UGT1A3: variants seen among roughly 807,000 people sequenced by gnomAD.
UGT1A3 encodes the protein UDP glucuronosyltransferase family 1 member A3, also known as UDP-glucuronosyltransferase 1A3.
A neutral mutation model predicts 41.0 loss-of-function variants in UGT1A3; 31 were observed. That is an observed-to-expected ratio of 0.76 (90% CI 0.57 to 1.02). The LOEUF is 1.02. UGT1A3 is among the 50% of genes least tolerant of loss of function. The pLI, the probability that UGT1A3 is intolerant of heterozygous loss-of-function variation, is 0.00. For missense variants in UGT1A3, 737 were observed against 671.0 expected (o/e 1.10, Z -1.09); for synonymous variants, 262 against 257.6 (o/e 1.02, Z -0.17).
chr2:233,765,587 C>T (rs1353703058), intron 1 of UGT1A3, among the ~76,000 whole-genome samples: 1 of 151,970 alleles, frequency 6.6e-6, no homozygotes, highest in East Asian at 1.9e-4. Context: ...AGGGGAACAA[C>T]ACACACCAGG....
intron 1 of UGT1A3, among the ~76,000 whole-genome samples, chr2:233,745,792 G>A (rs1203318312): frequency 6.6e-6 from 1 of 151,102 alleles, no homozygotes; most frequent in Non-Finnish European, 1.5e-5. Context: ...AGGGGGGCTG[G>A]GGTCTATCCC....
intron 4 of UGT1A3, among the ~76,000 whole-genome samples, chr2:233,771,908 A>G (rs1288111972): frequency 2.6e-5 from 4 of 151,904 alleles, no homozygotes; most frequent in African/African-American, 9.7e-5. Context: ...TTCAGGTGAT[A>G]ATAGTAACAC....
chr2:233,767,698 C>T (rs1699451194), intron 2 of UGT1A3, 151 bp from the exon 3 acceptor site: 8 of 1,500,274 alleles, frequency 5.3e-6, no homozygotes, highest in Non-Finnish European at 6.2e-6. Flanking sequence ...CGGAAGTTGC[C>T]AGTCCTCAGA....
chr2:233,743,215 C>T (rs1225035803), intron 1 of UGT1A3: 38 of 407,424 alleles, frequency 9.3e-5, no homozygotes, highest in Non-Finnish European at 1.6e-4. Context: ...GGAGTAACTG[C>T]TCTTTGCTAT....
intron 1 of UGT1A3, chr2:233,754,743 C>A (rs1442095371): frequency 4.1e-6 from 3 of 727,770 alleles, no homozygotes; most frequent in Middle Eastern, 2.7e-4. Flanking sequence ...GTAGGACATG[C>A]AGAAGGAAGA....
Position 233,749,147 on chromosome 2 carries a change from T to C in UGT1A3, c.868-17887T>C, listed in dbSNP as rs149958207. ...TTCACTGAATGCATATGAACTTCCA[T>C]GACTTGATCCTTTTGTATTTTTATT... On this transcript the variant is annotated intron_variant, in intron 1 of 4. Transcript: ENST00000482026. Among the ~76,000 whole-genome samples, 47 of 152,004 alleles carry C rather than the reference T, an allele frequency of 3.1e-4. 1 individual carries two copies. Among genetic ancestry groups the C allele is most frequent in the African/African-American group, 9.9e-4 (41 of 41,258 alleles).
At position 233,754,917 on chromosome 2, in the gene UGT1A3, G is replaced by A. The variant is rs1403282569; in HGVS notation, c.868-12117G>A. ...CTGACCCCCCAAAATATTCTCCAGC[G>A]GGTTTCCCAAGAGGTCAAAGGAGAA... On this transcript the variant is annotated intron_variant, in intron 1 of 4. Coordinates refer to ENST00000482026, the MANE Select transcript of UGT1A3 (RefSeq NM_019093.4). The A allele has an allele frequency of 3.0e-6, 4 of 1,353,604 alleles. No homozygotes were observed. In the African/African-American group the frequency reaches 4.4e-5, roughly 15 times the overall value. 83.8% of individuals were successfully genotyped at this position (1,353,604 alleles called of 1,614,324 possible).
In UGT1A3 at chr2:233,743,767, G is replaced by C. The variant is rs374421270; in HGVS notation, c.867+13774G>C. ...CGTCCGACAACACCTCGTAGGCCTCGGCCACCTGCTTGAATCTCCTCTCCG... is the reference window on the plus strand; with the variant it reads ...CGTCCGACAACACCTCGTAGGCCTCCGCCACCTGCTTGAATCTCCTCTCCG... On this transcript the variant is annotated intron_variant, in intron 1 of 4. Transcript: ENST00000482026. 1.6e-3 allele frequency: 2,161 copies of C among 1,367,298 alleles called. 5 individuals are homozygous for C. Among genetic ancestry groups the C allele is most frequent in the Non-Finnish European group, 2.0e-3 (2,052 of 1,021,846 alleles). 84.7% of individuals were successfully genotyped at this position (1,367,298 alleles called of 1,614,324 possible).
intron 1 of UGT1A3, chr2:233,747,617 G>A (rs1693730880): frequency 1.3e-5 from 20 of 1,575,570 alleles, no homozygotes; most frequent in Non-Finnish European, 1.7e-5. Context: ...TGCATAATGA[G>A]GCCCTGATCA....
chr2:233,758,811 C>A (rs371004333), intron 1 of UGT1A3, among the ~76,000 whole-genome samples: 1 of 152,184 alleles, frequency 6.6e-6, no homozygotes, highest in East Asian at 1.9e-4. Flanking sequence ...TATAGTACAG[C>A]AGTATATCCC....
intron 1 of UGT1A3, among the ~76,000 whole-genome samples, chr2:233,758,985 G>GT (rs1383466743): frequency 1.3e-5 from 2 of 152,320 alleles, no homozygotes; most frequent in African/African-American, 4.8e-5. Flanking sequence ...TCTTGGGCCA[G>GT]TGGAATGAGT....
chr2:233,751,619 A>G (rs765633655), intron 1 of UGT1A3, among the ~76,000 whole-genome samples: 10 of 152,142 alleles, frequency 6.6e-5, no homozygotes, highest in Non-Finnish European at 1.3e-4. Flanking sequence ...AGGTGATTGG[A>G]TCATGTGTGC....
chr2:233,731,446 C>G (rs1336068752), intron 1 of UGT1A3, among the ~76,000 whole-genome samples: 3 of 152,132 alleles, frequency 2.0e-5, no homozygotes, highest in Non-Finnish European at 4.4e-5. Flanking sequence ...GTCCCCCACC[C>G]CACAACAGGC....
Position 233,773,095 on chromosome 2 carries a change from A to C in UGT1A3, c.*536A>C. On this transcript the variant is annotated 3_prime_UTR_variant, in exon 5 of 5. Coordinates refer to ENST00000482026, the MANE Select transcript of UGT1A3 (RefSeq NM_019093.4). ...ATGAATGGCTTGGAGTGCACTGAGA[A>C]CAGCATATGATTTCTTGCTTTGGGG... 6.3e-6 allele frequency: 1 copy of C among 159,994 alleles called. No individual in the cohort carries two copies. Among genetic ancestry groups the C allele is most frequent in the Non-Finnish European group, 1.4e-5 (1 of 71,916 alleles). The allele number at this position is 159,994 out of a possible 1,614,324, so 9.9% of individuals were successfully genotyped here. A position where few individuals can be genotyped will look rare whatever the true frequency, so the allele number is the denominator to read the frequency against.
At chr2:233,767,811 GTTCT>G (rs753422454) in intron 2 of UGT1A3, 34 bp from the exon 3 acceptor site, 1 of 1,614,124 alleles carries the variant, frequency 6.2e-7, no homozygotes, top group South Asian at 1.1e-5. Flanking sequence ...ATCATATTAT[GTTCT>G]TTCTTTACGT....
chr2:233,765,491 C>T (rs1438228783), intron 1 of UGT1A3, among the ~76,000 whole-genome samples: 1 of 152,094 alleles, frequency 6.6e-6, no homozygotes, highest in African/African-American at 2.4e-5. Flanking sequence ...TCATCCTCCA[C>T]AAACTAACAC....
chr2:233,767,182 C>T lies in UGT1A3; in HGVS notation c.999+17C>T. The T allele has an allele frequency of 6.2e-7, 1 of 1,613,942 alleles. No individual in the cohort carries two copies. The highest frequency in any genetic ancestry group is 8.5e-7 in the Non-Finnish European group (1 of 1,179,982). On this transcript the variant is annotated intron_variant, in intron 2 of 4. Coordinates refer to ENST00000482026, the MANE Select transcript of UGT1A3 (RefSeq NM_019093.4). ...CCTCAGACAGTAAGAAGATTCTATACCATGGCCTCATATCTATTTTCACAG... is the reference window on the plus strand; with the variant it reads ...CCTCAGACAGTAAGAAGATTCTATATCATGGCCTCATATCTATTTTCACAG...
At chr2:233,730,094 A>G (rs1211055945) in intron 1 of UGT1A3, 101 bp downstream of exon 1, 2 of 1,593,062 alleles carry the variant, frequency 1.3e-6, no homozygotes, top group South Asian at 2.3e-5. Context: ...ATCTTTCCAA[A>G]TATTTCATTT....
chr2:233,748,845 C>T (rs936990961), intron 1 of UGT1A3, among the ~76,000 whole-genome samples: 6 of 151,120 alleles, frequency 4.0e-5, no homozygotes, highest in East Asian at 1.9e-4. Context: ...AAACTGTGAG[C>T]GTATAAGCCC....
Sources: gnomAD v4.1 joint callset for allele counts (sites outside exome capture counted in the v4.1 genomes callset) on GRCh38, gnomAD v4.1.1 for gene constraint, MANE v1.5 for transcripts, NCBI Gene and HGNC (gene_info 2026-07-23, HGNC 2026-07-21) for gene names.